LIMA1: variants seen among roughly 807,000 people sequenced by gnomAD.
LIMA1 encodes the protein LIM domain and actin-binding protein 1.
A neutral mutation model predicts 62.6 loss-of-function variants in LIMA1; 52 were observed. The observed-to-expected ratio is 0.83, with a 90% CI of 0.67 to 1.05. LIMA1 has a LOEUF of 1.05. Ranked by LOEUF, LIMA1 falls within the 50% of genes least tolerant of loss-of-function variation. LIMA1 has a pLI of 0.00. For synonymous variants in LIMA1, 302 were observed against 317.8 expected (o/e 0.95, Z 0.53); for missense variants, 780 against 902.2 (o/e 0.86, Z 1.74).
At chr12:50,282,633 G>A (rs1942353933) in intron 1 of LIMA1, among the ~76,000 whole-genome samples, 1 of 152,182 alleles carries the variant, frequency 6.6e-6, no homozygotes, top group African/African-American at 2.4e-5. Flanking sequence ...CCAAAGTGTT[G>A]GGATTATAGG....
chr12:50,178,759 A>G (rs926426386), intron 10 of LIMA1, among the ~76,000 whole-genome samples: 6 of 152,008 alleles, frequency 3.9e-5, no homozygotes, highest in African/African-American at 1.4e-4. Context: ...TCTGTACCCA[A>G]TCAAATCACT....
chr12:50,270,233 CAAAAAAAAAAA>C (rs60610107), intron 1 of LIMA1, among the ~76,000 whole-genome samples: 19 of 68,404 alleles, frequency 2.8e-4, no homozygotes, highest in African/African-American at 6.0e-4. Context: ...GAAACTCTGT[CAAAAAAAAAAA>C]AAAAAAAAAA....
intron 4 of LIMA1, among the ~76,000 whole-genome samples, chr12:50,210,436 G>GA (rs1032632353): frequency 9.4e-6 from 1 of 106,166 alleles, no homozygotes; most frequent in African/African-American, 3.7e-5. Context: ...AAAAAAAAAA[G>GA]AAAAAAAGAA....
intron 8 of LIMA1, among the ~76,000 whole-genome samples, chr12:50,194,289 A>G (rs558037517): frequency 3.8e-5 from 5 of 132,196 alleles, no homozygotes; most frequent in Non-Finnish European, 6.5e-5. Flanking sequence ...GTGCCTGGCC[A>G]GCAACATATA....
Position 50,212,819 on chromosome 12 carries a change from TTTTTA to T in LIMA1, c.631-6756_631-6752del, listed in dbSNP as rs544605490. On this transcript the variant is annotated intron_variant, in intron 4 of 10. Coordinates refer to ENST00000341247, the MANE Select transcript of LIMA1 (RefSeq NM_016357.5). Reference sequence around the variant, plus strand: ...ATGAATTATATCTTTTTAATTTTATTTTTTATTTTTTTTGAGACAAAGTCTTGCTC... The same window carrying T: ...ATGAATTATATCTTTTTAATTTTATTTTTTTTTTGAGACAAAGTCTTGCTC... 2.6e-4 allele frequency among the ~76,000 whole-genome samples: 40 copies of T among 152,210 alleles called. No homozygotes were observed. In the East Asian group the frequency reaches 7.3e-3, roughly 28 times the overall value.
At chr12:50,178,966 A>ATATATATATT (rs56674261) in intron 10 of LIMA1, among the ~76,000 whole-genome samples, 2 of 128,930 alleles carry the variant, frequency 1.6e-5, no homozygotes, top group African/African-American at 5.4e-5. Flanking sequence ...ATATATATAT[A>ATATATATATT]TTTTTTTTTT....
At chr12:50,283,227 C>T (rs1020785654) in intron 1 of LIMA1, among the ~76,000 whole-genome samples, 193 bp downstream of exon 1, 2 of 151,876 alleles carry the variant, frequency 1.3e-5, no homozygotes, top group South Asian at 2.1e-4. Context: ...CCGACATAAG[C>T]ACTCCCCACC....
rs980176879 is a variant in LIMA1 at position 50,177,661 on chromosome 12, T to C, written c.1683A>G (p.Glu561=). The change falls in exon 11 of 11, where the codon GAA becomes GAG. Residue 561 remains glutamate, a synonymous_variant. Transcript: ENST00000341247. Reference sequence around the variant, plus strand: ...CCTCAGGAACTTCGGGCTTGCTGATTTCGTCTTCAGGAGGCCATTTGGGCT... The same window carrying C: ...CCTCAGGAACTTCGGGCTTGCTGATCTCGTCTTCAGGAGGCCATTTGGGCT... The part of the protein sequence containing the change: ...MSKPKWPPED[E]ISKPEVPEDV... 2 of 1,607,362 alleles carry C rather than the reference T, an allele frequency of 1.2e-6. No homozygotes were observed. The highest frequency in any genetic ancestry group is 1.3e-5 in the African/African-American group (1 of 74,524).
At chr12:50,249,713 A>G (rs1941901692) in intron 1 of LIMA1, 1 of 152,244 alleles carries the variant, frequency 6.6e-6, no homozygotes, top group Non-Finnish European at 1.5e-5. Flanking sequence ...ATTAGAAATG[A>G]GTCAACAGTT....
chr12:50,217,851 C>G, intron 4 of LIMA1: 1 of 199,710 alleles, frequency 5.0e-6, no homozygotes, highest in Non-Finnish European at 1.0e-5. Flanking sequence ...TCAGAAATAT[C>G]GCTGACTGCC....
At chr12:50,247,276 T>A (rs1941863672) in intron 2 of LIMA1, among the ~76,000 whole-genome samples, 1 of 152,078 alleles carries the variant, frequency 6.6e-6, no homozygotes, top group African/African-American at 2.4e-5. Context: ...GTGAATGTGG[T>A]AAAAGTGATA....
At chr12:50,211,318 CG>C (rs1941251782) in intron 4 of LIMA1, among the ~76,000 whole-genome samples, 1 of 143,806 alleles carries the variant, frequency 7.0e-6, no homozygotes, top group Non-Finnish European at 1.5e-5. Context: ...AGCGAAACTC[CG>C]CCCCACCCCC....
At position 50,222,318 on chromosome 12, in the gene LIMA1, G is replaced by A. The variant is rs756848795; in HGVS notation, c.333C>T (p.His111=). 3 of 1,614,006 alleles carry A rather than the reference G, an allele frequency of 1.9e-6. No individual in the cohort carries two copies. Among genetic ancestry groups the A allele is most frequent in the African/African-American group, 2.7e-5 (2 of 74,910 alleles). ...ADHPPAEVTS[H]AASGAKADQE... The stretch of plus-strand genomic sequence containing the variant: ...GGTCAGCTTTGGCTCCAGAAGCAGC[G>A]TGGCTTGTCACTTCAGCAGGAGGAT... Residue 111 remains histidine, a synonymous_variant, in exon 4 of 11, where the codon CAC becomes CAT. Transcript: ENST00000341247.
At chr12:50,221,629 G>A (rs969191912) in intron 4 of LIMA1, among the ~76,000 whole-genome samples, 3 of 152,102 alleles carry the variant, frequency 2.0e-5, no homozygotes, top group African/African-American at 4.8e-5. Flanking sequence ...GTTAAACTCC[G>A]GCCTTAACAC....
chr12:50,226,160 C>T, intron 3 of LIMA1, among the ~76,000 whole-genome samples: 1 of 152,232 alleles, frequency 6.6e-6, no homozygotes, highest in East Asian at 1.9e-4. Context: ...GATCCTGCCA[C>T]CTCTGCCTCC....
intron 9 of LIMA1, among the ~76,000 whole-genome samples, chr12:50,185,159 T>C (rs1940601951): frequency 1.3e-5 from 2 of 152,216 alleles, no homozygotes; most frequent in African/African-American, 4.8e-5. Context: ...ACACTTGAAA[T>C]AGATGTAGGA....
chr12:50,217,834 G>A (rs12424713), intron 4 of LIMA1: 73,743 of 233,328 alleles, frequency 0.32, 12,483 homozygotes, highest in South Asian at 0.44. Flanking sequence ...CATCTAGGAC[G>A]CTCACTTCAG....
At chr12:50,201,290 A>G (rs1941044894) in intron 6 of LIMA1, 4 of 1,007,114 alleles carry the variant, frequency 4.0e-6, no homozygotes, top group African/African-American at 3.5e-5. Context: ...CCAATAATAG[A>G]AAATATACTG....
At chr12:50,258,084 T>C (rs1942019713) in intron 1 of LIMA1, among the ~76,000 whole-genome samples, 1 of 152,178 alleles carries the variant, frequency 6.6e-6, no homozygotes. Flanking sequence ...TTTCTAGCAC[T>C]GCAAGATGTT....
Sources: gnomAD v4.1 joint callset for allele counts (sites outside exome capture counted in the v4.1 genomes callset) on GRCh38, gnomAD v4.1.1 for gene constraint, MANE v1.5 for transcripts, NCBI Gene and HGNC (gene_info 2026-07-23, HGNC 2026-07-21) for gene names.